The following SMOC2 variants were observed in gnomAD, a reference collection of about 807,000 sequenced individuals.
The protein encoded by SMOC2 is SPARC related modular calcium binding 2, also known as SPARC-related modular calcium-binding protein 2.
SMOC2 carries 39 observed loss-of-function variants against 61.4 expected under a neutral mutation model. The observed-to-expected ratio is 0.64, with a 90% CI of 0.49 to 0.83. The LOEUF is 0.83. SMOC2 is among the 40% of genes least tolerant of loss of function. SMOC2 has a pLI of 0.00. For synonymous variants in SMOC2, 247 were observed against 239.9 expected (o/e 1.03, Z -0.27); for missense variants, 556 against 592.9 (o/e 0.94, Z 0.65).
intron 8 of SMOC2, among the ~76,000 whole-genome samples, chr6:168,607,204 G>A (rs887256099): frequency 1.3e-5 from 2 of 151,966 alleles, no homozygotes; most frequent in Non-Finnish European, 2.9e-5. Flanking sequence ...GCTCCGGGAG[G>A]CAGGTTCTCA....
intron 9 of SMOC2, among the ~76,000 whole-genome samples, chr6:168,643,672 G>C (rs544822513): frequency 0.013 from 1,940 of 152,298 alleles, 50 homozygotes; most frequent in African/African-American, 0.044. Context: ...AGCTCCAGGT[G>C]AGCTCGGCAC....
intron 9 of SMOC2, among the ~76,000 whole-genome samples, chr6:168,644,921 A>C (rs540874778): frequency 6.6e-6 from 1 of 152,204 alleles, no homozygotes; most frequent in Admixed American, 6.5e-5. Flanking sequence ...AAGTGCTGGG[A>C]TTACAGGCGT....
chr6:168,494,630 G>T (rs1232469833), intron 1 of SMOC2, among the ~76,000 whole-genome samples: 2 of 152,246 alleles, frequency 1.3e-5, no homozygotes. Flanking sequence ...ACGCTGCTTA[G>T]AGTGCCACTG....
chr6:168,503,065 C>CTTTT lies in SMOC2; in HGVS notation c.85-6823_85-6820dup, dbSNP rs762736911. 3.1e-4 allele frequency among the ~76,000 whole-genome samples: 15 copies of CTTTT among 47,824 alleles called. 1 individual carries two copies. Among genetic ancestry groups the CTTTT allele is most frequent in the African/African-American group, 8.4e-4 (8 of 9,576 alleles). The allele number at this position is 47,824 out of a possible 152,430, so 31.4% of individuals were successfully genotyped here. A position where few individuals can be genotyped will look rare whatever the true frequency, so the allele number is the denominator to read the frequency against. ...ACAGGTGTGAGCCGCCGTGCCTGGC[C>CTTTT]TTTTTTTTTTTTTTTTTTTTTTTTT... is the stretch of plus-strand genomic sequence containing the variant. On this transcript the variant is annotated intron_variant, in intron 1 of 12. Coordinates refer to ENST00000356284, the MANE Select transcript of SMOC2 (RefSeq NM_001166412.2).
At position 168,566,628 on chromosome 6, in the gene SMOC2, C is replaced by T. The variant is rs140321930; in HGVS notation, c.637+17425C>T. 3.8e-3 allele frequency among the ~76,000 whole-genome samples: 582 copies of T among 151,942 alleles called. 14 individuals are homozygous for T. Among genetic ancestry groups the T allele is most frequent in the Admixed American group, 0.035 (532 of 15,242 alleles). ...CTCCGAGTAGCTGGGACTACAGGCACGTGGCACCACACCCGGCCAATTTTT... is the reference window on the plus strand; with the variant it reads ...CTCCGAGTAGCTGGGACTACAGGCATGTGGCACCACACCCGGCCAATTTTT... On this transcript the variant is annotated intron_variant, in intron 7 of 12. Coordinates refer to ENST00000356284, the MANE Select transcript of SMOC2 (RefSeq NM_001166412.2).
chr6:168,454,943 G>A (rs1271009571), intron 1 of SMOC2, among the ~76,000 whole-genome samples: 2 of 152,110 alleles, frequency 1.3e-5, no homozygotes, highest in Non-Finnish European at 2.9e-5. Context: ...GTGTGGGGCC[G>A]AGGGTCGGCG....
intron 2 of SMOC2, among the ~76,000 whole-genome samples, chr6:168,519,022 AAC>A (rs1783246501): frequency 2.7e-5 from 2 of 75,306 alleles, no homozygotes; most frequent in Non-Finnish European, 7.6e-5. Flanking sequence ...CGTGCATGCG[AAC>A]ATGTGTGTGT....
intron 7 of SMOC2, among the ~76,000 whole-genome samples, chr6:168,569,298 C>G (rs749223359): frequency 6.6e-6 from 1 of 152,164 alleles, no homozygotes; most frequent in Non-Finnish European, 1.5e-5. Context: ...GAATGACTTT[C>G]ATATGCCTAT....
rs551130980 is a variant in SMOC2, at chr6:168,607,047, G to A, written c.825-1110G>A. On this transcript the variant is annotated intron_variant, in intron 8 of 12. Coordinates refer to ENST00000356284, the MANE Select transcript of SMOC2 (RefSeq NM_001166412.2). ...GTCCTGCGAGTCCACAGAAAGGGGC[G>A]GTGGGTGTGCTGACCCAGGAATCTC... Among the ~76,000 whole-genome samples the A allele has an allele frequency of 3.9e-5, 6 of 152,222 alleles. No homozygotes were observed. The East Asian group carries it at 5.8e-4, about 15-fold the overall frequency.
At chr6:168,556,211 C>T (rs1456175908) in intron 7 of SMOC2, among the ~76,000 whole-genome samples, 1 of 152,160 alleles carries the variant, frequency 6.6e-6, no homozygotes, top group African/African-American at 2.4e-5. Flanking sequence ...CGAGGGCGTC[C>T]GTGGCCTCTC....
chr6:168,620,081 C>T (rs901062253), intron 9 of SMOC2, among the ~76,000 whole-genome samples: 4 of 152,170 alleles, frequency 2.6e-5, no homozygotes, highest in Non-Finnish European at 5.9e-5. Context: ...GCCCTACCTG[C>T]GTGTAATATT....
At chr6:168,509,382 G>A (rs866404030) in intron 1 of SMOC2, among the ~76,000 whole-genome samples, 1 of 152,206 alleles carries the variant, frequency 6.6e-6, no homozygotes, top group Admixed American at 6.5e-5. Flanking sequence ...ATTGAGTGCA[G>A]TCTAGTCCAA....
intron 7 of SMOC2, among the ~76,000 whole-genome samples, chr6:168,556,977 T>C (rs1193663584): frequency 3.9e-5 from 6 of 151,988 alleles, no homozygotes; most frequent in African/African-American, 1.5e-4. Context: ...ATCCCGCAGT[T>C]CATGGAGCCC....
intron 2 of SMOC2, among the ~76,000 whole-genome samples, chr6:168,517,740 C>T (rs1172855458): frequency 6.6e-6 from 1 of 151,364 alleles, no homozygotes; most frequent in Non-Finnish European, 1.5e-5. Flanking sequence ...CCCGCCTTTT[C>T]CTCAGCTGGG....
rs568243037 is a variant in SMOC2, at chr6:168,516,546, C to A, written c.256+6460C>A. Among the ~76,000 whole-genome samples, 3 of 152,294 alleles carry A rather than the reference C, an allele frequency of 2.0e-5. No homozygotes were observed. The South Asian group carries it at 6.2e-4, about 32-fold the overall frequency. On this transcript the variant is annotated intron_variant, in intron 2 of 12. Transcript: ENST00000356284. Reference sequence around the variant, plus strand: ...ACAAAGGCTCTAACTTCACCTGTCGCTCTGTGCATCCATCTCCGAGGCTGC... The same window carrying A: ...ACAAAGGCTCTAACTTCACCTGTCGATCTGTGCATCCATCTCCGAGGCTGC...
At chr6:168,587,601 G>A (rs1380048274) in intron 7 of SMOC2, among the ~76,000 whole-genome samples, 2 of 152,194 alleles carry the variant, frequency 1.3e-5, no homozygotes, top group South Asian at 2.1e-4. Context: ...AGGAACAGTC[G>A]CTTCCGCCCT....
chr6:168,635,192 C>G (rs915382650), intron 9 of SMOC2, among the ~76,000 whole-genome samples: 1 of 152,196 alleles, frequency 6.6e-6, no homozygotes, highest in Non-Finnish European at 1.5e-5. Context: ...TTATTACACT[C>G]TAACTGTGGT....
chr6:168,642,490 T>C (rs1271196557), intron 9 of SMOC2, among the ~76,000 whole-genome samples: 1 of 152,210 alleles, frequency 6.6e-6, no homozygotes, highest in Non-Finnish European at 1.5e-5. Flanking sequence ...TCCACACAAC[T>C]GATGTACTGT....
intron 5 of SMOC2, among the ~76,000 whole-genome samples, chr6:168,545,115 C>T (rs1363785516): frequency 6.6e-6 from 1 of 151,524 alleles, no homozygotes. Flanking sequence ...GTGGGTATGT[C>T]GACATTTGTA....
Sources: allele counts gnomAD v4.1 joint callset (sites outside exome capture counted in the v4.1 genomes callset), GRCh38; gene constraint gnomAD v4.1.1; transcripts MANE v1.5; gene names NCBI Gene and HGNC (gene_info 2026-07-23, HGNC 2026-07-21).